The following DLGAP2 variants were observed in gnomAD, a reference collection of about 807,000 sequenced individuals.
The protein encoded by DLGAP2 is DLG associated protein 2.
DLGAP2 carries 26 observed loss-of-function variants against 100.3 expected under a neutral mutation model. That is an observed-to-expected ratio of 0.26 (90% CI 0.19 to 0.36). The LOEUF is 0.36. Ranked by LOEUF, DLGAP2 falls within the 10% of genes least tolerant of loss-of-function variation. DLGAP2 has a pLI of 1.00. For missense variants in DLGAP2, 1,858 were observed against 1,453.2 expected (o/e 1.28, Z -4.53); for synonymous variants, 886 against 630.1 (o/e 1.41, Z -6.08).
At chr8:1,265,174 G>C (rs1345666321) in intron 3 of DLGAP2, among the ~76,000 whole-genome samples, 2 of 152,232 alleles carry the variant, frequency 1.3e-5, no homozygotes, top group Middle Eastern at 3.4e-3. Context: ...TAATAGACTT[G>C]CCTAGATATT....
intron 2 of DLGAP2, among the ~76,000 whole-genome samples, chr8:1,133,401 T>C (rs773508195): frequency 8.5e-5 from 13 of 152,156 alleles, no homozygotes; most frequent in Non-Finnish European, 1.8e-4. Flanking sequence ...ATATTGATCA[T>C]TAATAGGAGT....
intron 2 of DLGAP2, chr8:1,032,833 T>TTAAG (rs2129028262): frequency 6.6e-6 from 1 of 152,290 alleles, no homozygotes; most frequent in South Asian, 2.1e-4. Context: ...AATGACAGCA[T>TTAAG]TAAGGCATGG....
At chr8:1,496,142 C>T (rs968341025) in intron 3 of DLGAP2, among the ~76,000 whole-genome samples, 13 of 152,182 alleles carry the variant, frequency 8.5e-5, no homozygotes, top group Admixed American at 3.3e-4. Context: ...TATGGTCCAT[C>T]GGTCACTCAC....
At chr8:1,587,695 A>G (rs1373694057) in intron 6 of DLGAP2, among the ~76,000 whole-genome samples, 1 of 152,204 alleles carries the variant, frequency 6.6e-6, no homozygotes, top group East Asian at 1.9e-4. Context: ...AAATATAGCT[A>G]CTATTAATTA....
At chr8:1,414,932 C>T (rs1299492844) in intron 3 of DLGAP2, among the ~76,000 whole-genome samples, 1 of 152,064 alleles carries the variant, frequency 6.6e-6, no homozygotes, top group Non-Finnish European at 1.5e-5. Flanking sequence ...TCACTTGAAC[C>T]TGGGAGGTGG....
intron 2 of DLGAP2, among the ~76,000 whole-genome samples, chr8:1,165,524 T>C (rs1455689590): frequency 1.3e-5 from 2 of 152,212 alleles, no homozygotes; most frequent in Admixed American, 6.5e-5. Context: ...AGATGGTGAT[T>C]TGCATGGCAT....
chr8:1,243,830 A>T (rs1174734187), intron 2 of DLGAP2, among the ~76,000 whole-genome samples: 1 of 152,058 alleles, frequency 6.6e-6, no homozygotes, highest in Non-Finnish European at 1.5e-5. Flanking sequence ...TTACTTATAT[A>T]ACTCCTTTTC....
At chr8:1,614,056 G>C (rs1455086422) in intron 6 of DLGAP2, among the ~76,000 whole-genome samples, 1 of 152,136 alleles carries the variant, frequency 6.6e-6, no homozygotes, top group Admixed American at 6.5e-5. Context: ...GAGGCCTTTG[G>C]AAGAGCCAGG....
Position 1,477,519 on chromosome 8 carries a change from G to C in DLGAP2, c.107-23847G>C, listed in dbSNP as rs369383707. Among the ~76,000 whole-genome samples, 57 of 152,290 alleles carry C rather than the reference G, an allele frequency of 3.7e-4. No individual in the cohort carries two copies. In the South Asian group the frequency reaches 7.7e-3, roughly 20 times the overall value. On this transcript the variant is annotated intron_variant, in intron 3 of 14. Transcript: ENST00000637795. ...GCTCTTTTATTGAAATTCTGGCTCA[G>C]AAACGCAGCTGCACAGCCTGAGAGC...
At chr8:1,040,194 CAG>C (rs1802290805) in intron 2 of DLGAP2, among the ~76,000 whole-genome samples, 1 of 139,470 alleles carries the variant, frequency 7.2e-6, no homozygotes, top group Non-Finnish European at 1.5e-5. Flanking sequence ...ATGGTCAGCT[CAG>C]TGTGCGTGGT....
At chr8:1,346,300 T>C (rs1801553991) in intron 3 of DLGAP2, among the ~76,000 whole-genome samples, 1 of 147,948 alleles carries the variant, frequency 6.8e-6, no homozygotes, top group African/African-American at 2.5e-5. Context: ...TCTGCATTGC[T>C]CTCATGGTAG....
intron 1 of DLGAP2, among the ~76,000 whole-genome samples, chr8:787,274 G>C (rs549773352): frequency 2.1e-4 from 31 of 151,000 alleles, no homozygotes; most frequent in African/African-American, 6.3e-4. Context: ...AGCCTGACGC[G>C]TCTGTTCTCT....
At chr8:805,339 G>T (rs1292280380) in intron 1 of DLGAP2, among the ~76,000 whole-genome samples, 1 of 151,994 alleles carries the variant, frequency 6.6e-6, no homozygotes, top group Non-Finnish European at 1.5e-5. Flanking sequence ...CCTTCTGATC[G>T]CCAGCACAGT....
chr8:1,169,174 C>G (rs906052240), intron 2 of DLGAP2, among the ~76,000 whole-genome samples: 2 of 151,812 alleles, frequency 1.3e-5, no homozygotes, highest in East Asian at 3.9e-4. Flanking sequence ...TAAGGTTTGT[C>G]AAAGATCAGA....
At chr8:1,469,028 G>A (rs535518084) in intron 3 of DLGAP2, among the ~76,000 whole-genome samples, 40 of 152,254 alleles carry the variant, frequency 2.6e-4, no homozygotes, top group Middle Eastern at 3.4e-3. Context: ...CACAGGCTCC[G>A]GGATGAGGCT....
intron 3 of DLGAP2, among the ~76,000 whole-genome samples, chr8:1,295,457 G>A (rs951049246): frequency 5.3e-5 from 8 of 152,182 alleles, no homozygotes; most frequent in Admixed American, 4.6e-4. Context: ...AGGAAAGGCT[G>A]TGGGCCCCCA....
intron 3 of DLGAP2, among the ~76,000 whole-genome samples, chr8:1,455,779 C>G (rs767747390): frequency 5.9e-5 from 9 of 152,228 alleles, no homozygotes; most frequent in Non-Finnish European, 1.3e-4. Flanking sequence ...CATCATGCCA[C>G]TGAGTGAGTG....
At chr8:905,762 G>A (rs994216368) in intron 1 of DLGAP2, among the ~76,000 whole-genome samples, 10 of 152,172 alleles carry the variant, frequency 6.6e-5, no homozygotes, top group Non-Finnish European at 1.3e-4. Context: ...ATTCTGGGCT[G>A]GTCCTGCTGT....
intron 3 of DLGAP2, among the ~76,000 whole-genome samples, chr8:1,424,099 G>T (rs1020055245): frequency 1.3e-5 from 2 of 152,380 alleles, no homozygotes; most frequent in East Asian, 1.9e-4. Context: ...ACACCAGCAT[G>T]AAGGTCCTTG....
Sources: allele counts gnomAD v4.1 joint callset (sites outside exome capture counted in the v4.1 genomes callset), GRCh38; gene constraint gnomAD v4.1.1; transcripts MANE v1.5; gene names NCBI Gene and HGNC (gene_info 2026-07-23, HGNC 2026-07-21).